PLCG2: variants seen among roughly 807,000 people sequenced by gnomAD.
PLCG2 encodes the protein phospholipase C gamma 2, also known as 1-phosphatidylinositol 4,5-bisphosphate phosphodiesterase gamma-2.
PLCG2 carries 69 observed loss-of-function variants against 175.6 expected under a neutral mutation model. The observed-to-expected ratio is 0.39, with a 90% CI of 0.32 to 0.48. PLCG2 has a LOEUF of 0.48. Ranked by LOEUF, PLCG2 falls within the 20% of genes least tolerant of loss-of-function variation. The pLI is 0.91. For synonymous variants in PLCG2, 827 were observed against 624.0 expected, an observed-to-expected ratio of 1.33 and a Z score of -4.85; for missense variants, 1,798 against 1,650.9, an observed-to-expected ratio of 1.09 and a Z score of -1.54.
chr16:81,937,730 T>C (rs767130127), intron 27 of PLCG2, 28 bp from the exon 28 acceptor site: 15 of 1,608,320 alleles, frequency 9.3e-6, no homozygotes, highest in African/African-American at 1.3e-5. Context: ...ATGCCTGACT[T>C]ACAGCAGGCG....
At chr16:81,749,953 G>C (rs953311211) in intron 1 of PLCG2, among the ~76,000 whole-genome samples, 2 of 151,610 alleles carry the variant, frequency 1.3e-5, no homozygotes, top group African/African-American at 2.4e-5. Context: ...CCATGGTTGA[G>C]AAAAAGAAAG....
chr16:81,890,412 G>T (rs1908575755), intron 10 of PLCG2, among the ~76,000 whole-genome samples: 1 of 152,220 alleles, frequency 6.6e-6, no homozygotes, highest in Non-Finnish European at 1.5e-5. Flanking sequence ...CAAGATAGAG[G>T]TTGGTTAGAT....
At chr16:81,887,197 G>A (rs1000905492) in intron 9 of PLCG2, among the ~76,000 whole-genome samples, 5 of 149,724 alleles carry the variant, frequency 3.3e-5, no homozygotes, top group East Asian at 2.1e-4. Context: ...TCTGCTCACC[G>A]CAAACTCTGT....
At chr16:81,903,814 T>C (rs1037277313) in intron 14 of PLCG2, among the ~76,000 whole-genome samples, 1 of 152,148 alleles carries the variant, frequency 6.6e-6, no homozygotes, top group Non-Finnish European at 1.5e-5. Context: ...CAGCTCTTGT[T>C]CTAAGATGCA....
intron 1 of PLCG2, among the ~76,000 whole-genome samples, chr16:81,781,733 C>G (rs537216249): frequency 4.6e-5 from 7 of 152,296 alleles, no homozygotes; most frequent in South Asian, 2.1e-4. Flanking sequence ...TGCCTGTGCT[C>G]CATTTTAACA....
chr16:81,835,033 C>G (rs1034360662), intron 2 of PLCG2, among the ~76,000 whole-genome samples: 3 of 151,898 alleles, frequency 2.0e-5, no homozygotes, highest in African/African-American at 7.3e-5. Context: ...CTGTTTTTCT[C>G]AGTGGGAGGA....
At chr16:81,826,107 C>A (rs1208111745) in intron 2 of PLCG2, among the ~76,000 whole-genome samples, 1 of 152,166 alleles carries the variant, frequency 6.6e-6, no homozygotes, top group South Asian at 2.1e-4. Context: ...GCCTTTAAAA[C>A]CTATTCCTCC....
chr16:81,759,664 C>T (rs964525729), intron 2 of PLCG2, among the ~76,000 whole-genome samples: 1 of 152,214 alleles, frequency 6.6e-6, no homozygotes, highest in African/African-American at 2.4e-5. Context: ...CTAGGGACCG[C>T]TACTGTTGCC....
At chr16:81,911,951 C>G (rs1431410348) in intron 18 of PLCG2, among the ~76,000 whole-genome samples, 1 of 152,020 alleles carries the variant, frequency 6.6e-6, no homozygotes, top group Non-Finnish European at 1.5e-5. Context: ...GCGCCTGCCA[C>G]CATGCCTGGC....
At chr16:81,912,253 T>TG (rs1187716370) in intron 18 of PLCG2, among the ~76,000 whole-genome samples, 1 of 151,854 alleles carries the variant, frequency 6.6e-6, no homozygotes, top group Non-Finnish European at 1.5e-5. Context: ...TTTATAGAGA[T>TG]GGGGGTCTCA....
At chr16:81,744,466 C>G (rs1366660267) in intron 1 of PLCG2, among the ~76,000 whole-genome samples, 1 of 152,122 alleles carries the variant, frequency 6.6e-6, no homozygotes, top group Non-Finnish European at 1.5e-5. Flanking sequence ...CCCAGTCCCC[C>G]AACTTCCCTT....
At chr16:81,895,535 G>C in intron 12 of PLCG2, 2 of 370,964 alleles carry the variant, frequency 5.4e-6, no homozygotes, top group South Asian at 6.9e-5. Context: ...ACTCCAGCCT[G>C]GGCAACAGAG....
intron 1 of PLCG2, among the ~76,000 whole-genome samples, chr16:81,747,547 T>A (rs946742908): frequency 2.6e-5 from 4 of 151,958 alleles, no homozygotes; most frequent in Admixed American, 2.0e-4. Context: ...ATAATAATAA[T>A]ATTATTAATG....
intron 15 of PLCG2, 107 bp downstream of exon 15, chr16:81,905,614 A>C: frequency 1.4e-6 from 1 of 692,022 alleles, no homozygotes; most frequent in Non-Finnish European, 2.6e-6. Flanking sequence ...TCCCATTTTT[A>C]GTCAAGTGAG....
In PLCG2 at chr16:81,753,351, T is replaced by G. The variant is rs529857913; in HGVS notation, c.-144-2519T>G. Among the ~76,000 whole-genome samples, 499 of 150,890 alleles carry G rather than the reference T, an allele frequency of 3.3e-3. 3 individuals are homozygous for G. Among genetic ancestry groups the G allele is most frequent in the African/African-American group, 0.011 (468 of 41,130 alleles). On this transcript the variant is annotated intron_variant, in intron 1 of 5. Coordinates refer to the PLCG2 transcript ENST00000565054. ...GTTAAAGTCCTGGCAGGTTTTTTTT[T>G]TTTTTTTTTTTTTTTGTATTCTGGT...
chr16:81,762,876 A>G (rs1404817150), intron 2 of PLCG2, among the ~76,000 whole-genome samples: 1 of 152,146 alleles, frequency 6.6e-6, no homozygotes, highest in Non-Finnish European at 1.5e-5. Flanking sequence ...TCAGCAACAT[A>G]GTGAAACCTC....
At chr16:81,957,859 T>A in intron 32 of PLCG2, 97 bp from the exon 33 acceptor site, 1 of 1,093,690 alleles carries the variant, frequency 9.1e-7, no homozygotes, top group Non-Finnish European at 1.4e-6. Context: ...CAGCTATGAA[T>A]GACTGGCAAA....
rs184007573 is a variant in PLCG2, at chr16:81,880,462, C to G, written c.649-448C>G. Among the ~76,000 whole-genome samples the G allele has an allele frequency of 2.1e-3, 317 of 152,184 alleles. 2 individuals carry two copies. The South Asian group carries it at 0.031, about 15-fold the overall frequency. Reference sequence around the variant, plus strand: ...CACACAGGGACACTTAAAAATAATACTAGATGTTACAAAAATCAAGTGACA... The same window carrying G: ...CACACAGGGACACTTAAAAATAATAGTAGATGTTACAAAAATCAAGTGACA... On this transcript the variant is annotated intron_variant, in intron 7 of 32. Transcript: ENST00000564138.
In PLCG2 at chr16:81,891,313, C is replaced by G. The variant is rs1294574107; in HGVS notation, c.868-159C>G. 2.6e-5 allele frequency among the ~76,000 whole-genome samples: 4 copies of G among 152,312 alleles called. No homozygotes were observed. The East Asian group carries it at 7.7e-4, about 29-fold the overall frequency. On this transcript the variant is annotated intron_variant, in intron 10 of 32. Transcript: ENST00000564138. The stretch of plus-strand genomic sequence containing the variant: ...CGCTGCAGCCCATTGCAGCCTGAGC[C>G]TTCGGTATTGAAAACGTGGGTAACT...
Sources: gnomAD v4.1 joint callset for allele counts (sites outside exome capture counted in the v4.1 genomes callset) on GRCh38, gnomAD v4.1.1 for gene constraint, MANE v1.5 for transcripts, NCBI Gene and HGNC (gene_info 2026-07-23, HGNC 2026-07-21) for gene names.